Variants in HECA observed in about 807,000 individuals in gnomAD.
HECA encodes the protein headcase protein homolog.
HECA carries 13 observed loss-of-function variants against 37.6 expected under a neutral mutation model. The observed-to-expected ratio is 0.35, with a 90% CI of 0.23 to 0.55. The LOEUF (loss-of-function observed/expected upper bound fraction) is 0.55. Among genes scored for constraint, HECA ranks in the 20% least tolerant of loss-of-function variants. HECA has a pLI of 0.90. For missense variants in HECA, 527 were observed against 701.9 expected (o/e 0.75, Z 2.82); for synonymous variants, 307 against 291.5 (o/e 1.05, Z -0.54).
At chr6:139,140,636 A>C (rs1774501990) in intron 1 of HECA, among the ~76,000 whole-genome samples, 1 of 152,226 alleles carries the variant, frequency 6.6e-6, no homozygotes, top group South Asian at 2.1e-4. Context: ...GGAGAATTGA[A>C]AACGGGAGAT....
chr6:139,146,271 G>A (rs2114442055), intron 1 of HECA, among the ~76,000 whole-genome samples: 1 of 152,274 alleles, frequency 6.6e-6, no homozygotes, highest in Non-Finnish European at 1.5e-5. Flanking sequence ...GCAGCTACTT[G>A]CCACATTGAA....
chr6:139,174,778 T>G (rs1004675442), intron 3 of HECA, among the ~76,000 whole-genome samples: 1 of 152,190 alleles, frequency 6.6e-6, no homozygotes, highest in African/African-American at 2.4e-5. Context: ...GAACAGGTTA[T>G]AAAATGGTAT....
intron 1 of HECA, among the ~76,000 whole-genome samples, chr6:139,137,475 A>C (rs1016301151): frequency 6.6e-6 from 1 of 152,108 alleles, no homozygotes; most frequent in Non-Finnish European, 1.5e-5. Context: ...GCTTTCGTTT[A>C]TTCATTTAAA....
At chr6:139,159,454 T>C (rs1206941463) in intron 1 of HECA, among the ~76,000 whole-genome samples, 1 of 152,104 alleles carries the variant, frequency 6.6e-6, no homozygotes, top group East Asian at 1.9e-4. Context: ...TGTCTTTTTT[T>C]CCTCCTTTAA....
At chr6:139,142,677 G>T (rs898431903) in intron 1 of HECA, among the ~76,000 whole-genome samples, 11 of 152,170 alleles carry the variant, frequency 7.2e-5, no homozygotes. Flanking sequence ...CCAGGCAATG[G>T]TGGCTCACGA....
At chr6:139,142,382 A>G (rs1189802442) in intron 1 of HECA, among the ~76,000 whole-genome samples, 3 of 152,170 alleles carry the variant, frequency 2.0e-5, no homozygotes, top group African/African-American at 7.2e-5. Flanking sequence ...GATTATGCAT[A>G]TTCTCGTGAC....
At chr6:139,167,362 T>C (rs1325399754) in intron 2 of HECA, 38 bp downstream of exon 2, 1 of 1,460,578 alleles carries the variant, frequency 6.8e-7, no homozygotes, top group East Asian at 2.3e-5. Flanking sequence ...TTTCTGTTTG[T>C]TAAAAACCAA....
chr6:139,156,755 A>G (rs770345408), intron 1 of HECA, among the ~76,000 whole-genome samples: 2 of 152,252 alleles, frequency 1.3e-5, no homozygotes, highest in Non-Finnish European at 2.9e-5. Context: ...CGCATACTCT[A>G]TCCTTAGACT....
At chr6:139,142,474 G>C (rs886781956) in intron 1 of HECA, among the ~76,000 whole-genome samples, 1 of 152,046 alleles carries the variant, frequency 6.6e-6, no homozygotes, top group African/African-American at 2.4e-5. Context: ...TTTCCCCATG[G>C]TCTCATCATT....
intron 1 of HECA, chr6:139,153,262 T>C (rs1774674126): frequency 6.6e-6 from 1 of 152,026 alleles, no homozygotes; most frequent in African/African-American, 2.4e-5. Context: ...AAAAACAGGG[T>C]TCTTGTAAAT....
chr6:139,146,024 C>T (rs542954770), intron 1 of HECA, among the ~76,000 whole-genome samples: 57 of 118,372 alleles, frequency 4.8e-4, no homozygotes, highest in Admixed American at 1.5e-3. Flanking sequence ...TTCTGGACCC[C>T]CTCACAATAT....
At chr6:139,159,031 C>T (rs1188324874) in intron 1 of HECA, 2 of 152,164 alleles carry the variant, frequency 1.3e-5, no homozygotes, top group Admixed American at 1.3e-4. Flanking sequence ...CGAGATAGCA[C>T]CATGGCACTC....
intron 1 of HECA, among the ~76,000 whole-genome samples, chr6:139,161,064 G>A (rs1582942798): frequency 6.6e-6 from 1 of 152,204 alleles, no homozygotes; most frequent in East Asian, 1.9e-4. Context: ...GTCGGGGACA[G>A]GGGTGGTGCT....
chr6:139,150,967 A>G (rs1344630116), intron 1 of HECA: 1 of 152,256 alleles, frequency 6.6e-6, no homozygotes, highest in Non-Finnish European at 1.5e-5. Flanking sequence ...GTTCACAACA[A>G]TCATGACTGA....
At chr6:139,154,742 A>G (rs762341859) in intron 1 of HECA, among the ~76,000 whole-genome samples, 7 of 152,264 alleles carry the variant, frequency 4.6e-5, no homozygotes, top group Non-Finnish European at 1.0e-4. Context: ...AAGAGAGAAG[A>G]AGCAGGTCCA....
At chr6:139,137,607 C>T (rs1774464671) in intron 1 of HECA, among the ~76,000 whole-genome samples, 1 of 149,552 alleles carries the variant, frequency 6.7e-6, no homozygotes, top group African/African-American at 2.5e-5. Flanking sequence ...TTTTGGTTTG[C>T]TCTGCCCACC....
At chr6:139,174,807 G>T (rs530565440) in intron 3 of HECA, among the ~76,000 whole-genome samples, 51 of 152,260 alleles carry the variant, frequency 3.3e-4, no homozygotes, top group African/African-American at 1.2e-3. Context: ...GCTTGCATTT[G>T]TAAGTAAGTG....
chr6:139,135,107 G>T lies in HECA; in HGVS notation c.-290G>T. On this transcript the variant is annotated 5_prime_UTR_variant, in exon 1 of 4. Coordinates refer to ENST00000367658, the MANE Select transcript of HECA (RefSeq NM_016217.3). ...TGCAGCCGAATCAAAACAAGCCGGA[G>T]ACCCGCCTTTTCCCTCCGGCTCGGG... The T allele has an allele frequency of 6.3e-6, 1 of 157,978 alleles. No homozygotes were observed. 9.8% of individuals were successfully genotyped at this position (157,978 alleles called of 1,614,324 possible).
At chr6:139,144,265 A>G (rs1774552503) in intron 1 of HECA, 1 of 152,212 alleles carries the variant, frequency 6.6e-6, no homozygotes, top group African/African-American at 2.4e-5. Context: ...ATGTTAAATT[A>G]TACTTGGGGG....
Sources: gnomAD v4.1 joint callset for allele counts (sites outside exome capture counted in the v4.1 genomes callset) on GRCh38, gnomAD v4.1.1 for gene constraint, MANE v1.5 for transcripts, NCBI Gene and HGNC (gene_info 2026-07-23, HGNC 2026-07-21) for gene names.